CSGALNACT1: variants seen among roughly 807,000 people sequenced by gnomAD.
CSGALNACT1 encodes chondroitin sulfate N-acetylgalactosaminyltransferase 1.
In CSGALNACT1, 52 loss-of-function variants were observed where a neutral mutation model predicts 51.0. The ratio of observed to expected loss-of-function variants is 1.02; its 90% CI spans 0.82 to 1.29. CSGALNACT1 has a LOEUF of 1.29. Among genes scored for constraint, CSGALNACT1 ranks in the 50% most tolerant of loss-of-function variants. The pLI is 0.00. For missense variants in CSGALNACT1, 935 were observed against 679.2 expected, an observed-to-expected ratio of 1.38 and a Z score of -4.19; for synonymous variants, 341 against 254.4, an observed-to-expected ratio of 1.34 and a Z score of -3.24.
chr8:19,425,267 G>T (rs1233762547), intron 6 of CSGALNACT1, among the ~76,000 whole-genome samples: 1 of 152,108 alleles, frequency 6.6e-6, no homozygotes, highest in African/African-American at 2.4e-5. Flanking sequence ...CTTGAATCTG[G>T]GAAATGGAGG....
chr8:19,482,646 C>T (rs912396178), intron 4 of CSGALNACT1, among the ~76,000 whole-genome samples: 5 of 152,160 alleles, frequency 3.3e-5, no homozygotes, highest in Non-Finnish European at 5.9e-5. Context: ...ATTTCCATCA[C>T]GGGTGCCCTT....
rs763848633 is a variant in CSGALNACT1, at chr8:19,405,866, C to T, written c.1513G>A (p.Gly505Ser). Reference sequence around the variant, plus strand: ...CTGAACACCAGCATGCCCAGCTGGCCGTGGGATGCCTCGTTCATGGCCTTG... The same window carrying T: ...CTGAACACCAGCATGCCCAGCTGGCTGTGGGATGCCTCGTTCATGGCCTTG... Residue 505 changes from glycine to serine, a missense_variant, in exon 10 of 10, where the codon GGC (glycine) becomes AGC (serine). Transcript: ENST00000454498. 6.2e-6 allele frequency: 10 copies of T among 1,614,086 alleles called. No homozygotes were observed. The highest frequency in any genetic ancestry group is 2.2e-5 in the East Asian group (1 of 44,864).
intron 2 of CSGALNACT1, among the ~76,000 whole-genome samples, chr8:19,592,651 G>A (rs953179073): frequency 9.2e-5 from 14 of 152,148 alleles, no homozygotes; most frequent in African/African-American, 3.4e-4. Context: ...CTACTTAGGA[G>A]GCTAGGGTGG....
chr8:19,426,429 T>C (rs1374839506), intron 6 of CSGALNACT1, among the ~76,000 whole-genome samples: 1 of 152,224 alleles, frequency 6.6e-6, no homozygotes, highest in East Asian at 1.9e-4. Context: ...TGGTTCAAAG[T>C]TGAAGTTACT....
intron 1 of CSGALNACT1, among the ~76,000 whole-genome samples, chr8:19,672,993 C>T (rs890248965): frequency 2.6e-5 from 4 of 152,208 alleles, no homozygotes; most frequent in Non-Finnish European, 5.9e-5. Flanking sequence ...TCTCAACATC[C>T]TCTTTCCAAG....
At chr8:19,586,070 T>C (rs1455586647) in intron 3 of CSGALNACT1, among the ~76,000 whole-genome samples, 3 of 151,308 alleles carry the variant, frequency 2.0e-5, no homozygotes, top group African/African-American at 4.9e-5. Flanking sequence ...TCAAAAAGAG[T>C]TGTAAAATGG....
intron 1 of CSGALNACT1, among the ~76,000 whole-genome samples, chr8:19,712,375 C>T (rs1032696331): frequency 6.6e-6 from 1 of 152,146 alleles, no homozygotes; most frequent in African/African-American, 2.4e-5. Context: ...TTGTACCAAG[C>T]TTCACAGGAA....
intron 1 of CSGALNACT1, among the ~76,000 whole-genome samples, chr8:19,645,910 G>T (rs17128783): frequency 0.017 from 2,636 of 152,098 alleles, 80 homozygotes; most frequent in African/African-American, 0.06. Context: ...AAAAAAATGA[G>T]GATAAAAGGA....
rs115732193 is a variant in CSGALNACT1, at chr8:19,506,825, C to A, written c.-296-695G>T. On this transcript the variant is annotated intron_variant, in intron 3 of 9. Transcript: ENST00000454498. ...AGCAGCCTGAGGCTTTCATCAGAAG[C>A]AGATGCTGGTGCCATGCTTCCTGTA... Among the ~76,000 whole-genome samples, 1,193 of 152,324 alleles carry A rather than the reference C, an allele frequency of 7.8e-3. 14 individuals carry two copies. The highest frequency in any genetic ancestry group is 0.027 in the African/African-American group (1,123 of 41,570).
chr8:19,466,425 G>A lies in CSGALNACT1; in HGVS notation c.635-7783C>T, dbSNP rs571738670. Among the ~76,000 whole-genome samples the A allele has an allele frequency of 7.2e-5, 11 of 152,236 alleles. No homozygotes were observed. In the East Asian group the frequency reaches 1.7e-3, roughly 24 times the overall value. The stretch of plus-strand genomic sequence containing the variant: ...CCCGCAATAGCACAAATCTGTTTAC[G>A]CTTTGCACCATAAACACACATTCTG... On this transcript the variant is annotated intron_variant, in intron 4 of 9. Coordinates refer to ENST00000454498, the Ensembl canonical transcript of CSGALNACT1.
chr8:19,530,786 A>G (rs544647672), intron 3 of CSGALNACT1, among the ~76,000 whole-genome samples: 1 of 152,224 alleles, frequency 6.6e-6, no homozygotes, highest in African/African-American at 2.4e-5. Flanking sequence ...AAGACTATTT[A>G]CCTGAAGTCA....
chr8:19,749,669 T>C (rs2064909139), intron 1 of CSGALNACT1, among the ~76,000 whole-genome samples: 1 of 152,162 alleles, frequency 6.6e-6, no homozygotes, highest in Admixed American at 6.5e-5. Flanking sequence ...CAGGGCCCTA[T>C]ACAGGCCTCC....
chr8:19,450,651 C>T (rs909100251), intron 5 of CSGALNACT1, among the ~76,000 whole-genome samples: 1 of 152,114 alleles, frequency 6.6e-6, no homozygotes, highest in Non-Finnish European at 1.5e-5. Context: ...AATCCCAACA[C>T]TTTGGGAGGC....
At chr8:19,491,250 T>C (rs1315433352) in intron 4 of CSGALNACT1, among the ~76,000 whole-genome samples, 2 of 152,226 alleles carry the variant, frequency 1.3e-5, no homozygotes, top group Non-Finnish European at 2.9e-5. Flanking sequence ...CGTACAATAT[T>C]CTACTATAAC....
At chr8:19,535,574 C>A (rs1188979178) in intron 3 of CSGALNACT1, among the ~76,000 whole-genome samples, 2 of 152,126 alleles carry the variant, frequency 1.3e-5, no homozygotes, top group African/African-American at 4.8e-5. Context: ...TATTTAAAAT[C>A]ATTTAAACAA....
intron 1 of CSGALNACT1, among the ~76,000 whole-genome samples, chr8:19,656,574 G>A (rs1434517143): frequency 6.9e-6 from 1 of 143,904 alleles, no homozygotes; most frequent in Non-Finnish European, 1.5e-5. Context: ...CAGTGACCAA[G>A]AACCAGGAGA....
intron 1 of CSGALNACT1, among the ~76,000 whole-genome samples, chr8:19,647,606 G>C (rs1425880284): frequency 6.6e-6 from 1 of 152,120 alleles, no homozygotes; most frequent in African/African-American, 2.4e-5. Flanking sequence ...ACAGATCGGA[G>C]TTTTCTTTCA....
In CSGALNACT1 at chr8:19,609,178, C is replaced by CT. The variant is rs887885512; in HGVS notation, c.-543-7314dup. On this transcript the variant is annotated intron_variant, in intron 1 of 9. Coordinates refer to the CSGALNACT1 transcript ENST00000332246. The stretch of plus-strand genomic sequence containing the variant: ...ATTGGGTTAGGCTGATGGAAGGATG[C>CT]TTTTTTTTTTATATTGAGATTGAGG... Among the ~76,000 whole-genome samples, 1,220 of 143,078 alleles carry CT rather than the reference C, an allele frequency of 8.5e-3. 19 individuals are homozygous for CT. Among genetic ancestry groups the CT allele is most frequent in the African/African-American group, 0.029 (1,124 of 38,892 alleles). 93.9% of individuals were successfully genotyped at this position (143,078 alleles called of 152,430 possible).
chr8:19,453,632 C>G (rs888125432), intron 5 of CSGALNACT1, among the ~76,000 whole-genome samples: 1 of 152,160 alleles, frequency 6.6e-6, no homozygotes, highest in Non-Finnish European at 1.5e-5. Context: ...CAGACGTTGG[C>G]CAGGTGTGGT....
Sources: gnomAD v4.1 joint callset for allele counts (sites outside exome capture counted in the v4.1 genomes callset) on GRCh38, gnomAD v4.1.1 for gene constraint, MANE v1.5 for transcripts, NCBI Gene and HGNC (gene_info 2026-07-23, HGNC 2026-07-21) for gene names.